Variants in ZSWIM9 observed in about 807,000 individuals in gnomAD.
ZSWIM9 encodes uncharacterized protein ZSWIM9.
A neutral mutation model predicts 25.0 loss-of-function variants in ZSWIM9; 11 were observed. The observed-to-expected ratio is 0.44, with a 90% CI of 0.28 to 0.73. The LOEUF (loss-of-function observed/expected upper bound fraction) is 0.73. Among genes scored for constraint, ZSWIM9 ranks in the 30% least tolerant of loss-of-function variants. The pLI is 0.16. For synonymous variants in ZSWIM9, 562 were observed against 582.1 expected (o/e 0.97, Z 0.50); for missense variants, 1,070 against 1,296.5 (o/e 0.83, Z 2.68).
intron 3 of ZSWIM9, among the ~76,000 whole-genome samples, chr19:48,192,723 C>T (rs1429241553): frequency 6.6e-6 from 1 of 151,328 alleles, no homozygotes; most frequent in Non-Finnish European, 1.5e-5. Context: ...CCCTCAGTTT[C>T]CATGATTCAC....
Position 48,182,814 on chromosome 19 carries a change from C to A in ZSWIM9, c.588+47C>A. On this transcript the variant is annotated intron_variant, in intron 3 of 3. Transcript: ENST00000614654. The surrounding 1 kb of genome is among the most constrained non-coding windows in gnomAD (Gnocchi z 4.6). The stretch of plus-strand genomic sequence containing the variant: ...GCCGGGGGAGGGGGCGGGGGAAAGC[C>A]GCGCTGAAGACTCGTGGGTCATTCA... 1.4e-6 allele frequency: 2 copies of A among 1,399,482 alleles called. No individual in the cohort carries two copies. The highest frequency in any genetic ancestry group is 5.0e-5 in the East Asian group (2 of 39,906). The allele number at this position is 1,399,482 out of a possible 1,614,324, so 86.7% of individuals were successfully genotyped here.
chr19:48,187,588 T>TA (rs2037044342), intron 3 of ZSWIM9: 4 of 68,802 alleles, frequency 5.8e-5, no homozygotes, highest in African/African-American at 1.4e-4. Context: ...TTATATATTA[T>TA]ATAATATAAT....
At chr19:48,172,142 G>GT in intron 2 of ZSWIM9, 65 bp downstream of exon 2, 7 of 546,386 alleles carry the variant, frequency 1.3e-5, no homozygotes, top group Non-Finnish European at 1.9e-5. Context: ...GTGTGGGTGG[G>GT]AGACGGGCAG....
intron 1 of ZSWIM9, chr19:48,171,373 CGA>C (rs2036804188): frequency 1.0e-6 from 1 of 985,206 alleles, no homozygotes; most frequent in South Asian, 4.7e-5. Context: ...CAGATGAATA[CGA>C]GAGTTAGAAG....
chr19:48,190,939 G>C (rs1337018333), intron 3 of ZSWIM9, among the ~76,000 whole-genome samples: 7 of 152,210 alleles, frequency 4.6e-5, no homozygotes, highest in Non-Finnish European at 1.0e-4. Context: ...GAATGTTCTG[G>C]CTGTGCCAGT....
At position 48,194,649 on chromosome 19, in the gene ZSWIM9, G is replaced by A. The variant is rs769367533; in HGVS notation, c.589-4G>A. On this transcript the variant is annotated splice_region_variant and splice_polypyrimidine_tract_variant and intron_variant, in intron 3 of 3. Transcript: ENST00000614654. The surrounding 1 kb of genome is among the most constrained non-coding windows in gnomAD (Gnocchi z 6.0). ...TTTCCTTGCCTCCCTGCCCCCGCCCGCAGGTGAAGCTGGTGTTCGTGGAGG... is the reference window on the plus strand; with the variant it reads ...TTTCCTTGCCTCCCTGCCCCCGCCCACAGGTGAAGCTGGTGTTCGTGGAGG... The A allele has an allele frequency of 4.0e-5, 58 of 1,432,916 alleles. No homozygotes were observed. The African/African-American group carries it at 7.2e-4, about 18-fold the overall frequency. The allele number at this position is 1,432,916 out of a possible 1,614,324, so 88.8% of individuals were successfully genotyped here. A position where few individuals can be genotyped will look rare whatever the true frequency, so the allele number is the denominator to read the frequency against.
rs1042627046 is a variant in ZSWIM9, at chr19:48,194,586, G to C, written c.589-67G>C. 1 of 1,339,996 alleles carries C rather than the reference G, an allele frequency of 7.5e-7. No individual in the cohort carries two copies. The highest frequency in any genetic ancestry group is 9.6e-7 in the Non-Finnish European group (1 of 1,044,122). The allele number at this position is 1,339,996 out of a possible 1,614,324, so 83.0% of individuals were successfully genotyped here. On this transcript the variant is annotated intron_variant, in intron 3 of 3. Transcript: ENST00000614654. The surrounding 1 kb of genome is among the most constrained non-coding windows in gnomAD (Gnocchi z 6.0). ...TCCGTAGAAGGGGAAACCGAGGTCG[G>C]GGAGCTGGGCGGGGAGACCCCAGCA...
intron 2 of ZSWIM9, among the ~76,000 whole-genome samples, chr19:48,178,769 T>G (rs7247155): frequency 0.17 from 25,404 of 151,934 alleles, 2,510 homozygotes; most frequent in African/African-American, 0.28. Flanking sequence ...AGAGACAGGG[T>G]TTCCCCACGT....
intron 3 of ZSWIM9, chr19:48,190,353 A>G (rs1259206478): frequency 6.5e-6 from 1 of 153,922 alleles, no homozygotes; most frequent in Non-Finnish European, 1.5e-5. Context: ...GTAATAATGA[A>G]CAGCCCTCAA....
intron 3 of ZSWIM9, among the ~76,000 whole-genome samples, chr19:48,191,090 GTA>G (rs56378233): frequency 0.47 from 64,195 of 137,492 alleles, 15,818 homozygotes; most frequent in Non-Finnish European, 0.58. Context: ...GTGTGTATGT[GTA>G]TGTGTGTGTG....
intron 3 of ZSWIM9, chr19:48,192,046 A>G (rs2037099532): frequency 6.5e-6 from 1 of 154,680 alleles, no homozygotes; most frequent in Admixed American, 6.5e-5. Flanking sequence ...ATGAAAGATT[A>G]GCTGTTGGAA....
At chr19:48,192,299 A>T (rs760131244) in intron 3 of ZSWIM9, among the ~76,000 whole-genome samples, 6 of 149,866 alleles carry the variant, frequency 4.0e-5, no homozygotes, top group Non-Finnish European at 7.4e-5. Flanking sequence ...ATAATACAAA[A>T]ATTAGCCAGG....
intron 2 of ZSWIM9, among the ~76,000 whole-genome samples, chr19:48,175,777 C>T (rs1460732947): frequency 6.6e-6 from 1 of 152,214 alleles, no homozygotes; most frequent in Non-Finnish European, 1.5e-5. Context: ...ACTGCTGCAG[C>T]TTCAGCTCTC....
chr19:48,187,575 A>AT (rs1568579879), intron 3 of ZSWIM9: 581 of 54,058 alleles, frequency 0.011, 13 homozygotes, highest in African/African-American at 0.03. Context: ...AATATTATAT[A>AT]TATTATATAT....
At chr19:48,172,142 G>GGGGGGGGGGGGGGC in intron 2 of ZSWIM9, 65 bp downstream of exon 2, 2 of 546,416 alleles carry the variant, frequency 3.7e-6, no homozygotes, top group Non-Finnish European at 6.4e-6. Context: ...GTGTGGGTGG[G>GGGGGGGGGGGGGGC]AGACGGGCAG....
At position 48,195,595 on chromosome 19, in the gene ZSWIM9, G is replaced by C; in HGVS notation, c.1531G>C (p.Glu511Gln). The C allele has an allele frequency of 7.0e-7, 1 of 1,419,916 alleles. No homozygotes were observed. The highest frequency in any genetic ancestry group is 9.2e-7 in the Non-Finnish European group (1 of 1,092,518). The allele number at this position is 1,419,916 out of a possible 1,614,324, so 88.0% of individuals were successfully genotyped here. A position where few individuals can be genotyped will look rare whatever the true frequency, so the allele number is the denominator to read the frequency against. Residue 511 changes from glutamate (E) to glutamine (Q), a missense_variant, in exon 4 of 4, where the codon GAA becomes CAA. Transcript: ENST00000614654. The surrounding 1 kb of genome is among the most constrained non-coding windows in gnomAD (Gnocchi z 5.8). ...CAGAGACTGGGGCGGGGCTCAGTTC[G>C]AAGGTGAGAAGGGGAGGGCACTGCA... Reference protein sequence around the residue: ...ETRDWGGAQFEGEKGRALQIR... With the variant: ...ETRDWGGAQFQGEKGRALQIR...
In ZSWIM9 at chr19:48,192,498, T is replaced by TATATATACACAC. The variant is rs369454865; in HGVS notation, c.589-2154_589-2153insTATATACACACA. Among the ~76,000 whole-genome samples, 182 of 20,680 alleles carry TATATATACACAC rather than the reference T, an allele frequency of 8.8e-3. 4 individuals are homozygous for TATATATACACAC. The highest frequency in any genetic ancestry group is 0.013 in the Non-Finnish European group (128 of 9,650). The allele number at this position is 20,680 out of a possible 152,430, so 13.6% of individuals were successfully genotyped here. A position where few individuals can be genotyped will look rare whatever the true frequency, so the allele number is the denominator to read the frequency against. On this transcript the variant is annotated intron_variant, in intron 3 of 3. Coordinates refer to ENST00000614654, the MANE Select transcript of ZSWIM9 (RefSeq NM_199341.4). ...AAAAAAAAATATATATATATATATA[T>TATATATACACAC]ACACACACACACACACACACATTTA...
chr19:48,172,135 T>TGG, intron 2 of ZSWIM9, 58 bp downstream of exon 2: 3 of 386,914 alleles, frequency 7.8e-6, no homozygotes, highest in Non-Finnish European at 9.0e-6. Flanking sequence ...GGGGTGGGTG[T>TGG]GGGTGGGAGA....
intron 3 of ZSWIM9, among the ~76,000 whole-genome samples, chr19:48,189,089 ATATC>A (rs1016236659): frequency 6.6e-6 from 1 of 152,146 alleles, no homozygotes; most frequent in African/African-American, 2.4e-5. Context: ...CAATTTAGCA[ATATC>A]TATCAAAATG....
Sources: gnomAD v4.1 joint callset for allele counts (sites outside exome capture counted in the v4.1 genomes callset) on GRCh38, gnomAD v4.1.1 for gene constraint, Gnocchi (gnomAD v3.1) non-coding constraint, MANE v1.5 for transcripts, NCBI Gene and HGNC (gene_info 2026-07-23, HGNC 2026-07-21) for gene names.